NME9: variants seen among roughly 807,000 people sequenced by gnomAD.
NME9 encodes NME/NM23 family member 9, also known as thioredoxin domain-containing protein 6.
Under a neutral mutation model 44.4 loss-of-function variants are expected in NME9, and 48 were observed. The ratio of observed to expected loss-of-function variants is 1.08; its 90% confidence interval spans 0.86 to 1.37. NME9 has a LOEUF of 1.37. Ranked by LOEUF, NME9 falls within the 40% of genes most tolerant of loss-of-function variation. NME9 has a pLI of 0.00. For synonymous variants in NME9, 139 were observed against 147.1 expected (o/e 0.94, Z 0.40); for missense variants, 325 against 405.2 (o/e 0.80, Z 1.70).
At chr3:138,274,259 G>GTA (rs1165474876) in intron 8 of NME9, among the ~76,000 whole-genome samples, 2 of 151,166 alleles carry the variant, frequency 1.3e-5, no homozygotes, top group Non-Finnish European at 2.9e-5. Flanking sequence ...GTGTGTGTGT[G>GTA]TATGACATAT....
rs77575672 is a variant in NME9, at chr3:138,322,534, G to A, written c.91+2339C>T. ...TGTGTGTGTGTGTCTGTGCATGCAC[G>A]TGTAGGTCTGAAGGGACTTTGGCAT... is the stretch of plus-strand genomic sequence containing the variant. On this transcript the variant is annotated intron_variant, in intron 2 of 10. Coordinates refer to ENST00000333911, the MANE Select transcript of NME9 (RefSeq NM_001349018.2). 2.6e-3 allele frequency among the ~76,000 whole-genome samples: 401 copies of A among 151,834 alleles called. 1 individual carries two copies. Among genetic ancestry groups the A allele is most frequent in the Non-Finnish European group, 4.3e-3 (289 of 67,946 alleles).
chr3:138,289,202 T>A, intron 8 of NME9: 2 of 1,091,198 alleles, frequency 1.8e-6, no homozygotes, highest in Non-Finnish European at 2.7e-6. Flanking sequence ...GCCCCTGAGA[T>A]CCTGGGCAGA....
rs186971302 is a variant in NME9 at position 138,278,648 on chromosome 3, G to C, written c.746-16062C>G. Among the ~76,000 whole-genome samples the C allele has an allele frequency of 2.6e-5, 4 of 152,224 alleles. No individual in the cohort carries two copies. The East Asian group carries it at 7.7e-4, about 29-fold the overall frequency. On this transcript the variant is annotated intron_variant, in intron 8 of 8. Coordinates refer to the NME9 transcript ENST00000317876. ...GTATTGTATTTATAAATAAATTTGGGAGGACGTGACATCTTAACAATATTG... is the reference window on the plus strand; with the variant it reads ...GTATTGTATTTATAAATAAATTTGGCAGGACGTGACATCTTAACAATATTG...
chr3:138,292,952 G>T (rs1333973211), intron 8 of NME9, among the ~76,000 whole-genome samples: 6 of 152,196 alleles, frequency 3.9e-5, no homozygotes, highest in African/African-American at 2.4e-5. Flanking sequence ...GGAAAAAGAT[G>T]CCTGGACGGT....
At chr3:138,325,795 GAT>G (rs1491513809) in intron 1 of NME9, among the ~76,000 whole-genome samples, 3 of 106,314 alleles carry the variant, frequency 2.8e-5, no homozygotes, top group Admixed American at 2.5e-4. Context: ...AAGATTTAGG[GAT>G]TTTTTTTTTT....
At chr3:138,302,282 C>T (rs2051900706) in intron 10 of NME9, among the ~76,000 whole-genome samples, 1 of 152,174 alleles carries the variant, frequency 6.6e-6, no homozygotes, top group Admixed American at 6.5e-5. Flanking sequence ...AGGATGTGGT[C>T]TGCAGATAGC....
chr3:138,314,502 C>A, intron 5 of NME9, 95 bp from the exon 6 acceptor site: 1 of 742,852 alleles, frequency 1.3e-6, no homozygotes, highest in Non-Finnish European at 2.2e-6. Flanking sequence ...AAGCAAAGCT[C>A]CAAAACACAG....
chr3:138,319,624 G>A, intron 2 of NME9, 43 bp from the exon 3 acceptor site: 1 of 992,938 alleles, frequency 1.0e-6, no homozygotes, highest in Non-Finnish European at 1.6e-6. Flanking sequence ...AGACGCCAGT[G>A]CCCACCACAC....
intron 2 of NME9, among the ~76,000 whole-genome samples, chr3:138,320,455 A>G (rs1486765008): frequency 6.6e-6 from 1 of 152,260 alleles, no homozygotes; most frequent in Non-Finnish European, 1.5e-5. Context: ...ACAGGGAGAT[A>G]GTGTCAAAAT....
Position 138,306,058 on chromosome 3 carries a change from C to G in NME9, c.582G>C (p.Glu194Asp), listed in dbSNP as rs1410231206. The part of the protein sequence containing the change: ...EAGFEILTNE[E>D]RTMTEAEVRL... ...GCACTTCTGCCTCTGTCATGGTTCT[C>G]TCTTCATTTGTTAGAATTTCAAACC... is the stretch of plus-strand genomic sequence containing the variant. Residue 194 changes from glutamate to aspartate, a missense_variant, in exon 8 of 11, where the codon GAG becomes GAC. Glu to Asp is a conservative substitution (Grantham distance 45). Coordinates refer to ENST00000333911, the MANE Select transcript of NME9 (RefSeq NM_001349018.2). The G allele has an allele frequency of 6.2e-7, 1 of 1,613,624 alleles. No homozygotes were observed. The highest frequency in any genetic ancestry group is 1.7e-5 in the Admixed American group (1 of 60,006).
At chr3:138,324,268 C>G in intron 2 of NME9, 1 of 332,664 alleles carries the variant, frequency 3.0e-6, no homozygotes, top group South Asian at 2.5e-5. Flanking sequence ...CCTCGTTGAG[C>G]CTTGAGATCC....
At chr3:138,313,465 G>T (rs567036249) in intron 6 of NME9, among the ~76,000 whole-genome samples, 7 of 152,202 alleles carry the variant, frequency 4.6e-5, no homozygotes, top group Admixed American at 2.6e-4. Context: ...TTCATATACT[G>T]CTGGTATGAA....
At chr3:138,289,913 G>A (rs536205274) in intron 8 of NME9, among the ~76,000 whole-genome samples, 53 of 152,180 alleles carry the variant, frequency 3.5e-4, no homozygotes, top group Non-Finnish European at 6.9e-4. Context: ...AGACTCCAGG[G>A]GATTACTCAG....
intron 1 of NME9, among the ~76,000 whole-genome samples, chr3:138,325,396 TTC>T (rs1021074298): frequency 4.0e-5 from 6 of 151,314 alleles, no homozygotes; most frequent in Non-Finnish European, 5.9e-5. Flanking sequence ...CAGTAAAAAT[TTC>T]TTTTTTTTTT....
At chr3:138,278,859 G>A (rs1274573057) in intron 8 of NME9, among the ~76,000 whole-genome samples, 1 of 152,066 alleles carries the variant, frequency 6.6e-6, no homozygotes, top group Non-Finnish European at 1.5e-5. Context: ...TTCATTGTTA[G>A]TATATGGTAA....
chr3:138,288,896 C>G, intron 8 of NME9: 2 of 593,694 alleles, frequency 3.4e-6, no homozygotes, highest in Middle Eastern at 4.5e-4. Flanking sequence ...CTTGGTCTCC[C>G]AAAGTGCTGG....
At chr3:138,280,578 C>T (rs1422305842) in intron 8 of NME9, among the ~76,000 whole-genome samples, 2 of 151,424 alleles carry the variant, frequency 1.3e-5, no homozygotes, top group African/African-American at 4.9e-5. Context: ...ACTGCAAGCT[C>T]CGTCTTCCGG....
Position 138,329,625 on chromosome 3 carries a change from G to A in NME9, c.-290C>T. On this transcript the variant is annotated 5_prime_UTR_variant, in exon 1 of 11. Coordinates refer to ENST00000333911, the MANE Select transcript of NME9 (RefSeq NM_001349018.2). Reference sequence around the variant, plus strand: ...CCTCCCCACCCCGGAGCCGGCCAGGGGGCGCGCGCAGAGGCCGGAGTCAGT... The same window carrying A: ...CCTCCCCACCCCGGAGCCGGCCAGGAGGCGCGCGCAGAGGCCGGAGTCAGT... 7.7e-7 allele frequency: 1 copy of A among 1,292,280 alleles called. No homozygotes were observed. The highest frequency in any genetic ancestry group is 9.8e-7 in the Non-Finnish European group (1 of 1,020,484). The allele number at this position is 1,292,280 out of a possible 1,614,324, so 80.1% of individuals were successfully genotyped here.
chr3:138,313,032 G>A (rs1221909562), intron 6 of NME9, among the ~76,000 whole-genome samples: 4 of 152,136 alleles, frequency 2.6e-5, no homozygotes, highest in Non-Finnish European at 5.9e-5. Context: ...AATCATCAGG[G>A]AAATGCAAAT....
Sources: allele counts gnomAD v4.1 joint callset (sites outside exome capture counted in the v4.1 genomes callset), GRCh38; gene constraint gnomAD v4.1.1; transcripts MANE v1.5; gene names NCBI Gene and HGNC (gene_info 2026-07-23, HGNC 2026-07-21).